The following HTR4 variants were observed in gnomAD, a reference collection of about 807,000 sequenced individuals.
The protein encoded by HTR4 is 5-hydroxytryptamine (serotonin) receptor 4, G protein-coupled.
A neutral mutation model predicts 36.8 loss-of-function variants in HTR4; 16 were observed. That is an observed-to-expected ratio of 0.43 (90% CI 0.29 to 0.66). HTR4 has a LOEUF of 0.66. HTR4 is among the 30% of genes least tolerant of loss of function. The pLI, the probability that HTR4 is intolerant of heterozygous loss-of-function variation, is 0.13. For synonymous variants in HTR4, 189 were observed against 185.1 expected (o/e 1.02, Z -0.17); for missense variants, 438 against 490.9 (o/e 0.89, Z 1.02).
chr5:148,455,692 C>CA (rs890173359), intron 5 of HTR4, among the ~76,000 whole-genome samples: 3 of 152,132 alleles, frequency 2.0e-5, no homozygotes, highest in African/African-American at 7.2e-5. Flanking sequence ...GAAAAATCTG[C>CA]ATATAAGTTT....
intron 6 of HTR4, among the ~76,000 whole-genome samples, chr5:148,498,510 G>T (rs1010164790): frequency 6.6e-6 from 1 of 152,100 alleles, no homozygotes; most frequent in African/African-American, 2.4e-5. Flanking sequence ...CTGTTATACA[G>T]ATACTATGTT....
rs116925592 is a variant in HTR4, at chr5:148,488,853, C to G, written c.1077-5560G>C. Among the ~76,000 whole-genome samples, 356 of 152,272 alleles carry G rather than the reference C, an allele frequency of 2.3e-3. 10 individuals carry two copies. The East Asian group carries it at 0.038, about 16-fold the overall frequency. On this transcript the variant is annotated intron_variant, in intron 6 of 6. Transcript: ENST00000377888. Reference sequence around the variant, plus strand: ...GGCCCTTTAATCTCATCACCAGTCTCAGATATGTCCATGTTTCAATACACC... The same window carrying G: ...GGCCCTTTAATCTCATCACCAGTCTGAGATATGTCCATGTTTCAATACACC...
Position 148,582,069 on chromosome 5 carries a change from A to G in HTR4, c.27-31807T>C, listed in dbSNP as rs186923417. On this transcript the variant is annotated intron_variant, in intron 2 of 6. Transcript: ENST00000377888. Reference sequence around the variant, plus strand: ...TCCTTAGTTAGGTTTATTCCTAGGTATTTTATTCTTTTTGATCCTATTGTA... The same window carrying G: ...TCCTTAGTTAGGTTTATTCCTAGGTGTTTTATTCTTTTTGATCCTATTGTA... Among the ~76,000 whole-genome samples, 20 of 152,030 alleles carry G rather than the reference A, an allele frequency of 1.3e-4. No individual in the cohort carries two copies. In the East Asian group the frequency reaches 3.9e-3, roughly 29 times the overall value.
At chr5:148,470,819 G>T (rs952880421) in intron 5 of HTR4, among the ~76,000 whole-genome samples, 2 of 152,108 alleles carry the variant, frequency 1.3e-5, no homozygotes, top group African/African-American at 4.8e-5. Flanking sequence ...CTCCCAAGTA[G>T]CTGGGATTAC....
intron 2 of HTR4, among the ~76,000 whole-genome samples, chr5:148,597,631 G>T (rs1761831294): frequency 6.6e-6 from 1 of 152,082 alleles, no homozygotes; most frequent in Admixed American, 6.6e-5. Flanking sequence ...TCTTTTCACT[G>T]CCTAGAATGC....
At chr5:148,623,351 A>G (rs1468017199) in intron 2 of HTR4, among the ~76,000 whole-genome samples, 1 of 152,170 alleles carries the variant, frequency 6.6e-6, no homozygotes, top group South Asian at 2.1e-4. Flanking sequence ...AGGCCTCTCC[A>G]CAGAGACAGA....
intron 4 of HTR4, among the ~76,000 whole-genome samples, chr5:148,542,625 G>A (rs1394378485): frequency 6.6e-6 from 1 of 152,150 alleles, no homozygotes; most frequent in Non-Finnish European, 1.5e-5. Flanking sequence ...TATCTTCAAG[G>A]AAGTGAAATT....
chr5:148,556,812 G>T (rs1458024358), intron 2 of HTR4, among the ~76,000 whole-genome samples: 1 of 152,166 alleles, frequency 6.6e-6, no homozygotes, highest in Non-Finnish European at 1.5e-5. Flanking sequence ...AGTATAAAAG[G>T]TGTAAACATG....
intron 4 of HTR4, among the ~76,000 whole-genome samples, chr5:148,533,409 C>T (rs527275047): frequency 4.6e-5 from 7 of 152,300 alleles, no homozygotes; most frequent in African/African-American, 1.4e-4. Flanking sequence ...CCCACTGCAG[C>T]CATGTGCAAA....
At chr5:148,597,069 T>C (rs917115107) in intron 2 of HTR4, among the ~76,000 whole-genome samples, 23 of 152,148 alleles carry the variant, frequency 1.5e-4, no homozygotes, top group Non-Finnish European at 4.4e-5. Flanking sequence ...ACCCACCCCC[T>C]GAAGCCCAGC....
Position 148,481,735 on chromosome 5 carries a change from C to G in HTR4, c.*1468G>C. 7.0e-7 allele frequency: 1 copy of G among 1,432,336 alleles called. No homozygotes were observed. Among genetic ancestry groups the G allele is most frequent in the Middle Eastern group, 2.5e-4 (1 of 3,926 alleles). The allele number at this position is 1,432,336 out of a possible 1,614,324, so 88.7% of individuals were successfully genotyped here. The stretch of plus-strand genomic sequence containing the variant: ...GATGCTATTAAACCACAGCCAAGAT[C>G]AAAGTCAGAATCTCACATGGCTCTG... On this transcript the variant is annotated 3_prime_UTR_variant, in exon 7 of 7. Transcript: ENST00000377888.
chr5:148,620,282 A>G (rs185412953), intron 2 of HTR4, among the ~76,000 whole-genome samples: 1 of 152,378 alleles, frequency 6.6e-6, no homozygotes, highest in Admixed American at 6.5e-5. Flanking sequence ...AGCCTTAAAC[A>G]TTGTGTTGAA....
intron 6 of HTR4, among the ~76,000 whole-genome samples, chr5:148,491,296 A>G (rs1756418876): frequency 6.6e-6 from 1 of 152,150 alleles, no homozygotes; most frequent in South Asian, 2.1e-4. Context: ...TAGAAACCGT[A>G]TCAGTCGCCT....
chr5:148,481,540 T>A (rs758793667), downstream of HTR4: 26 of 1,526,152 alleles, frequency 1.7e-5, no homozygotes, highest in African/African-American at 2.8e-5. Context: ...AGAGGCTTTT[T>A]TTTTTCTTTT....
At chr5:148,502,112 A>T (rs1336401841) in intron 6 of HTR4, among the ~76,000 whole-genome samples, 1 of 151,988 alleles carries the variant, frequency 6.6e-6, no homozygotes, top group African/African-American at 2.4e-5. Flanking sequence ...AACTCTGCAG[A>T]CTTAAATGTC....
intron 3 of HTR4, 33 bp from the exon 4 acceptor site, chr5:148,548,901 G>A (rs765927371): frequency 3.9e-6 from 6 of 1,525,722 alleles, no homozygotes; most frequent in Non-Finnish European, 3.6e-6. Flanking sequence ...GAGGAGGCAG[G>A]GGGAGGGATG....
intron 4 of HTR4, 147 bp downstream of exon 4, chr5:148,548,521 T>C (rs1759499307): frequency 2.8e-6 from 2 of 722,854 alleles, no homozygotes; most frequent in Non-Finnish European, 4.6e-6. Flanking sequence ...CTGCAAAGGC[T>C]GGAGAATGAC....
intron 5 of HTR4, among the ~76,000 whole-genome samples, chr5:148,453,958 C>T (rs1755036276): frequency 6.6e-6 from 1 of 152,146 alleles, no homozygotes; most frequent in Non-Finnish European, 1.5e-5. Flanking sequence ...AAATATAACT[C>T]CCAGTAGCCA....
At chr5:148,620,730 T>C (rs1419297387) in intron 2 of HTR4, among the ~76,000 whole-genome samples, 1 of 152,204 alleles carries the variant, frequency 6.6e-6, no homozygotes, top group African/African-American at 2.4e-5. Context: ...GCATCTGTGG[T>C]CTGCATTATA....
Sources: allele counts gnomAD v4.1 joint callset (sites outside exome capture counted in the v4.1 genomes callset), GRCh38; gene constraint gnomAD v4.1.1; transcripts MANE v1.5; gene names NCBI Gene and HGNC (gene_info 2026-07-23, HGNC 2026-07-21).